PITPNM2: variants seen among roughly 807,000 people sequenced by gnomAD.
PITPNM2 encodes phosphatidylinositol transfer protein membrane associated 2.
A neutral mutation model predicts 132.2 loss-of-function variants in PITPNM2; 35 were observed. That is an observed-to-expected ratio of 0.26 (90% CI 0.20 to 0.35). The LOEUF is 0.35. Among genes scored for constraint, PITPNM2 ranks in the 10% least tolerant of loss-of-function variants. The pLI is 1.00. For synonymous variants in PITPNM2, 738 were observed against 799.2 expected (o/e 0.92, Z 1.29); for missense variants, 1,332 against 1,912.0 (o/e 0.70, Z 5.66).
intron 1 of PITPNM2, among the ~76,000 whole-genome samples, chr12:123,124,476 A>T (rs1046968759): frequency 6.6e-6 from 1 of 152,172 alleles, no homozygotes; most frequent in South Asian, 2.1e-4. Flanking sequence ...TATACAGAGA[A>T]TCTCTCTGAA....
chr12:123,040,858 A>G (rs1211455295), intron 2 of PITPNM2, among the ~76,000 whole-genome samples: 1 of 152,198 alleles, frequency 6.6e-6, no homozygotes, highest in Non-Finnish European at 1.5e-5. Context: ...TTTTAAAAAA[A>G]GATTATTACT....
chr12:123,098,656 A>G (rs538091985), intron 2 of PITPNM2, among the ~76,000 whole-genome samples: 1 of 152,298 alleles, frequency 6.6e-6, no homozygotes, highest in African/African-American at 2.4e-5. Flanking sequence ...GGCTGCAGTC[A>G]GCTAATATGC....
chr12:122,986,473 A>C lies in PITPNM2; in HGVS notation c.3689T>G (p.Val1230Gly). 1 of 1,582,050 alleles carries C rather than the reference A, an allele frequency of 6.3e-7. No individual in the cohort carries two copies. The highest frequency in any genetic ancestry group is 8.6e-7 in the Non-Finnish European group (1 of 1,164,790). ...ISLSPMQIYI[V>G]GRPTKKLQQQ... is the part of the protein sequence containing the mutation. Reference sequence around the variant, plus strand: ...CTGCAGCTTCTTGGTGGGCCGGCCCACGATGTAGATCTGCATGGGGGACAG... The same window carrying C: ...CTGCAGCTTCTTGGTGGGCCGGCCCCCGATGTAGATCTGCATGGGGGACAG... The change falls in exon 25 of 26, where the codon GTG becomes GGG. Residue 1230 changes from valine to glycine, a missense_variant. Physicochemically the swap from Val to Gly is moderately radical, Grantham distance 109. This residue lies in a region of PITPNM2 where 251 missense variants were observed against 472.0 expected (regional missense o/e 0.53). Coordinates refer to ENST00000320201, the MANE Select transcript of PITPNM2 (RefSeq NM_020845.3).
chr12:123,103,268 G>A (rs936389468), intron 2 of PITPNM2, among the ~76,000 whole-genome samples: 8 of 152,150 alleles, frequency 5.3e-5, no homozygotes, highest in African/African-American at 1.9e-4. Flanking sequence ...TGATGATACA[G>A]GCTCCCTGGG....
upstream of PITPNM2, among the ~76,000 whole-genome samples, chr12:123,151,577 G>A (rs1361579690): frequency 6.6e-6 from 1 of 152,136 alleles, no homozygotes; most frequent in Admixed American, 6.5e-5. Flanking sequence ...CTCCCCTCAG[G>A]ACGCCCGGGC....
In PITPNM2 at chr12:123,130,200, G is replaced by T. The variant is rs767122660; in HGVS notation, c.-199-19712C>A. Among the ~76,000 whole-genome samples the T allele has an allele frequency of 5.0e-4, 76 of 152,150 alleles. 1 individual carries two copies. Among genetic ancestry groups the T allele is most frequent in the Admixed American group, 3.3e-4 (5 of 15,264 alleles). ...CCACATATGAATCATGCTAATCCCA[G>T]AGGGCTTCCAGGAGATGGCACAGAG... On this transcript the variant is annotated intron_variant, in intron 1 of 25. Transcript: ENST00000320201.
In PITPNM2 at chr12:123,111,667, G is replaced by C. The variant is rs2042836885; in HGVS notation, c.-199-1179C>G. On this transcript the variant is annotated intron_variant, in intron 1 of 25. Coordinates refer to ENST00000320201, the MANE Select transcript of PITPNM2 (RefSeq NM_020845.3). This position sits in a 1 kb window ranked among gnomAD's most constrained non-coding sequence, Gnocchi z 4.1. ...GTCCTGCATGCCCACCCCCGTGCAG[G>C]CTCCTCTGTGGGACTGAGGCTCCAT... is the stretch of plus-strand genomic sequence containing the variant. Among the ~76,000 whole-genome samples the C allele has an allele frequency of 1.3e-5, 2 of 152,322 alleles. No individual in the cohort carries two copies. Among genetic ancestry groups the C allele is most frequent in the South Asian group, 2.1e-4 (1 of 4,826 alleles).
intron 2 of PITPNM2, among the ~76,000 whole-genome samples, chr12:123,045,001 T>C (rs895521015): frequency 5.3e-5 from 8 of 152,116 alleles, no homozygotes; most frequent in African/African-American, 1.7e-4. Flanking sequence ...GACCAACCCA[T>C]TGCACCAATC....
chr12:123,112,376 C>T (rs907936693), intron 1 of PITPNM2, among the ~76,000 whole-genome samples: 2 of 152,082 alleles, frequency 1.3e-5, no homozygotes, highest in Non-Finnish European at 2.9e-5. Flanking sequence ...AAACACAATT[C>T]CTTGCTGGGG....
chr12:123,025,957 C>T (rs868313585), intron 3 of PITPNM2, among the ~76,000 whole-genome samples: 2 of 152,192 alleles, frequency 1.3e-5, no homozygotes, highest in African/African-American at 4.8e-5. Context: ...TCCAAGGTCA[C>T]ACAGTTACTA....
intron 2 of PITPNM2, among the ~76,000 whole-genome samples, chr12:123,060,231 C>T (rs576423733): frequency 6.6e-6 from 1 of 152,344 alleles, no homozygotes; most frequent in East Asian, 1.9e-4. Context: ...CTGGTTAAAA[C>T]CCTTCAAGAA....
chr12:122,988,590 T>G (rs2038041646), intron 19 of PITPNM2, 134 bp downstream of exon 19: 6 of 954,364 alleles, frequency 6.3e-6, no homozygotes, highest in Non-Finnish European at 9.3e-6. Context: ...AGCATAAAGG[T>G]GCCCTCATCT....
chr12:123,137,111 C>A (rs2043398354), intron 1 of PITPNM2, among the ~76,000 whole-genome samples: 1 of 152,182 alleles, frequency 6.6e-6, no homozygotes, highest in African/African-American at 2.4e-5. Flanking sequence ...TCTGAGCCAG[C>A]CACCCAGGCG....
chr12:122,997,320 C>G lies in PITPNM2; in HGVS notation c.1472+5G>C. 6.2e-7 allele frequency: 1 copy of G among 1,612,452 alleles called. No individual in the cohort carries two copies. On this transcript the variant is annotated splice_donor_5th_base_variant and intron_variant, in intron 11 of 25. Coordinates refer to ENST00000320201, the MANE Select transcript of PITPNM2 (RefSeq NM_020845.3). ...AGGCTGCAATCAAGGGCAGATGCCA[C>G]TCACTTGGAGACCAGGGCAAAGGCG...
chr12:123,042,480 A>G (rs2040520945), intron 2 of PITPNM2, among the ~76,000 whole-genome samples: 1 of 152,160 alleles, frequency 6.6e-6, no homozygotes, highest in Non-Finnish European at 1.5e-5. Flanking sequence ...GAGGCTGTGC[A>G]AAGTTAAGGG....
intron 2 of PITPNM2, among the ~76,000 whole-genome samples, chr12:123,068,604 T>C (rs1040385241): frequency 1.3e-5 from 2 of 152,158 alleles, no homozygotes; most frequent in South Asian, 4.1e-4. Context: ...ATCTGAGAAA[T>C]ACTTAACAGC....
At chr12:123,113,109 C>G (rs1171257293) in intron 1 of PITPNM2, among the ~76,000 whole-genome samples, 1 of 152,210 alleles carries the variant, frequency 6.6e-6, no homozygotes, top group African/African-American at 2.4e-5. Context: ...TGATGGGGTG[C>G]CAGCTACTAG....
rs997844191 is a variant in PITPNM2, at chr12:122,993,968, G to T, written c.2233+833C>A. ...GGCTCACCGCAACCTCCGCCCTCCC[G>T]TGTTCAGGCGATTCTCCTGCCTCAG... On this transcript the variant is annotated intron_variant, in intron 15 of 25. Transcript: ENST00000320201. The surrounding 1 kb of genome is among the most constrained non-coding windows in gnomAD (Gnocchi z 5.2). Among the ~76,000 whole-genome samples the T allele has an allele frequency of 6.6e-6, 1 of 151,860 alleles. No homozygotes were observed. Among genetic ancestry groups the T allele is most frequent in the Non-Finnish European group, 1.5e-5 (1 of 67,974 alleles).
Position 122,997,390 on chromosome 12 carries a change from GC to G in PITPNM2, c.1406del (p.Gly469AlafsTer63). ...AGGGCACCAGGCGGATGGCAAGGCG[GC>G]CCAGGGCGCTGGGGTAGTGCACGCG... ...VMRVHYPSALGRLAIRLVPCP... is the reference protein window; with the variant it reads ...VMRVHYPSALXRLAIRLVPCP... On this transcript the variant is annotated frameshift_variant, in exon 11 of 26. Coordinates refer to ENST00000320201, the MANE Select transcript of PITPNM2 (RefSeq NM_020845.3). LOFTEE classifies it high-confidence loss of function. 1 of 1,613,458 alleles carries G rather than the reference GC, an allele frequency of 6.2e-7. No homozygotes were observed. Among genetic ancestry groups the G allele is most frequent in the Non-Finnish European group, 8.5e-7 (1 of 1,179,992 alleles).
Sources: allele counts gnomAD v4.1 joint callset (sites outside exome capture counted in the v4.1 genomes callset), GRCh38; gene constraint gnomAD v4.1.1; regional missense constraint gnomAD v4.1.1; non-coding constraint Gnocchi (gnomAD v3.1); transcripts MANE v1.5; gene names NCBI Gene and HGNC (gene_info 2026-07-23, HGNC 2026-07-21).